Variants in OSBPL3 observed in about 807,000 individuals in gnomAD.
OSBPL3 encodes oxysterol-binding protein-related protein 3.
Under a neutral mutation model 120.1 loss-of-function variants are expected in OSBPL3, and 65 were observed. The observed-to-expected ratio is 0.54, with a 90% CI of 0.44 to 0.67. OSBPL3 has a LOEUF of 0.67. Among genes scored for constraint, OSBPL3 ranks in the 30% least tolerant of loss-of-function variants. The pLI, the probability that OSBPL3 is intolerant of heterozygous loss-of-function variation, is 0.00. For missense variants in OSBPL3, 1,004 were observed against 1,082.1 expected (o/e 0.93, Z 1.01); for synonymous variants, 416 against 402.6 (o/e 1.03, Z -0.40).
At chr7:24,943,887 T>G (rs1364371101) in intron 1 of OSBPL3, among the ~76,000 whole-genome samples, 1 of 152,188 alleles carries the variant, frequency 6.6e-6, no homozygotes, top group Non-Finnish European at 1.5e-5. Flanking sequence ...CTCCACCAGA[T>G]AAGTCAATTT....
chr7:24,924,851 C>A (rs1275158355), intron 1 of OSBPL3, among the ~76,000 whole-genome samples: 1 of 152,188 alleles, frequency 6.6e-6, no homozygotes, highest in Non-Finnish European at 1.5e-5. Flanking sequence ...TTCTGCCTAG[C>A]AGTCACATTT....
At chr7:24,826,696 G>T (rs950446188) in intron 16 of OSBPL3, among the ~76,000 whole-genome samples, 2 of 152,116 alleles carry the variant, frequency 1.3e-5, no homozygotes, top group African/African-American at 2.4e-5. Flanking sequence ...GATCAAGTAA[G>T]ATCATGAATG....
In OSBPL3 at chr7:24,867,499, G is replaced by A. The variant is rs917567718; in HGVS notation, c.382-1262C>T. 6.6e-6 allele frequency among the ~76,000 whole-genome samples: 1 copy of A among 152,142 alleles called. No homozygotes were observed. The highest frequency in any genetic ancestry group is 1.5e-5 in the Non-Finnish European group (1 of 68,036). ...ATCATGGGGGCAAGTCATTCCCATG[G>A]TGTTCTCGTGGTGGTGCGTGGGTCT... On this transcript the variant is annotated intron_variant, in intron 5 of 22. Transcript: ENST00000313367. The surrounding 1 kb of genome is among the most constrained non-coding windows in gnomAD (Gnocchi z 4.5).
Position 24,898,122 on chromosome 7 carries a change from T to C in OSBPL3, c.-149-5501A>G, listed in dbSNP as rs1303682335. 6.6e-6 allele frequency among the ~76,000 whole-genome samples: 1 copy of C among 152,238 alleles called. No individual in the cohort carries two copies. On this transcript the variant is annotated intron_variant, in intron 1 of 22. Transcript: ENST00000313367. This position sits in a 1 kb window ranked among gnomAD's most constrained non-coding sequence, Gnocchi z 4.3. ...GCATCTTTTTACAAATGGTACCCTC[T>C]GAAACACCCTGATTTCAAAAATGTT... is the stretch of plus-strand genomic sequence containing the variant.
intron 1 of OSBPL3, among the ~76,000 whole-genome samples, chr7:24,935,795 T>C (rs916283868): frequency 2.0e-5 from 3 of 152,130 alleles, no homozygotes; most frequent in Admixed American, 1.3e-4. Context: ...TTCTGGCATC[T>C]ATTTTGCAAT....
chr7:24,906,446 G>A (rs144668776), intron 1 of OSBPL3: 330 of 160,574 alleles, frequency 2.1e-3, no homozygotes, highest in African/African-American at 0.016. Flanking sequence ...CCATTGTTTC[G>A]TCCATCAGGC....
At position 24,938,098 on chromosome 7, in the gene OSBPL3, A is replaced by C. The variant is rs1400215005; in HGVS notation, c.-150+41788T>G. Among the ~76,000 whole-genome samples the C allele has an allele frequency of 6.6e-6, 1 of 152,224 alleles. No homozygotes were observed. ...AAGGGCTTATTTGCTATGGGCTGAA[A>C]GTTTCTGTCCCGCCAAAACTGGTAT... On this transcript the variant is annotated intron_variant, in intron 1 of 22. Transcript: ENST00000313367. The surrounding 1 kb of genome is among the most constrained non-coding windows in gnomAD (Gnocchi z 5.8).
At chr7:24,845,771 T>C (rs934758152) in intron 12 of OSBPL3, among the ~76,000 whole-genome samples, 2 of 152,220 alleles carry the variant, frequency 1.3e-5, no homozygotes, top group Non-Finnish European at 2.9e-5. Context: ...TACATTAATA[T>C]TTTTCAGTTT....
chr7:24,872,276 T>C lies in OSBPL3; in HGVS notation c.97-207A>G, dbSNP rs917455615. 6.6e-6 allele frequency among the ~76,000 whole-genome samples: 1 copy of C among 152,186 alleles called. No homozygotes were observed. The highest frequency in any genetic ancestry group is 1.5e-5 in the Non-Finnish European group (1 of 68,018). ...TTTAGTGGCATCAAATTTTGGTTTT[T>C]TTAAAGCTCTTTTTTTTTTAGAAGG... is the stretch of plus-strand genomic sequence containing the variant. On this transcript the variant is annotated intron_variant, in intron 2 of 22. Transcript: ENST00000313367. The surrounding 1 kb of genome is among the most constrained non-coding windows in gnomAD (Gnocchi z 4.1).
rs3038426 is a variant in OSBPL3, at chr7:24,942,463, C to CCT, written c.-150+37422_-150+37423insAG. On this transcript the variant is annotated intron_variant, in intron 1 of 22. Transcript: ENST00000313367. ...GATCCTTCACGGGCCTCTTCTCTGTCATGGTAATCCATGCATTCCACGCTG... is the reference window on the plus strand; with the variant it reads ...GATCCTTCACGGGCCTCTTCTCTGTCCTATGGTAATCCATGCATTCCACGCTG... Among the ~76,000 whole-genome samples, 110 of 6,108 alleles carry CCT rather than the reference C, an allele frequency of 0.018. No individual in the cohort carries two copies. In the African/African-American group the frequency reaches 0.27, roughly 15 times the overall value. The allele number at this position is 6,108 out of a possible 152,430, so 4.0% of individuals were successfully genotyped here. A position where few individuals can be genotyped will look rare whatever the true frequency, so the allele number is the denominator to read the frequency against.
At chr7:24,816,832 A>T in intron 17 of OSBPL3, 144 bp from the exon 18 acceptor site, 1 of 639,000 alleles carries the variant, frequency 1.6e-6, no homozygotes. Context: ...CTTTTCATAA[A>T]ATATAAGTAC....
At chr7:24,951,053 T>G (rs554698060) in intron 1 of OSBPL3, among the ~76,000 whole-genome samples, 21 of 152,306 alleles carry the variant, frequency 1.4e-4, no homozygotes, top group Middle Eastern at 3.4e-3. Flanking sequence ...CATTTAATAT[T>G]CAAAACAACG....
At position 24,863,230 on chromosome 7, in the gene OSBPL3, A is replaced by C; in HGVS notation, c.840T>G (p.Ala280=). 6.2e-7 allele frequency: 1 copy of C among 1,614,122 alleles called. No individual in the cohort carries two copies. Among genetic ancestry groups the C allele is most frequent in the East Asian group, 2.2e-5 (1 of 44,876 alleles). The part of the protein sequence containing the change: ...KRSHRRWRSR[A]IGKDAKGTLQ... The stretch of plus-strand genomic sequence containing the variant: ...GTGTTCCTTTAGCATCTTTGCCAAT[A>C]GCTCTGGACCGCCACCTCCTGTGCG... The change falls in exon 9 of 23, where the codon GCT becomes GCG. Residue 280 remains alanine, a synonymous_variant. Transcript: ENST00000313367. The surrounding 1 kb of genome is among the most constrained non-coding windows in gnomAD (Gnocchi z 5.8).
Position 24,798,529 on chromosome 7 carries a change from G to A in OSBPL3, c.*1654C>T, listed in dbSNP as rs1014601085. Reference sequence around the variant, plus strand: ...ATGATATTCACATTGTGTTCATCTTGGCATCTCGATAAAATGAATCCAATA... The same window carrying A: ...ATGATATTCACATTGTGTTCATCTTAGCATCTCGATAAAATGAATCCAATA... On this transcript the variant is annotated 3_prime_UTR_variant, in exon 23 of 23. Coordinates refer to ENST00000313367, the MANE Select transcript of OSBPL3 (RefSeq NM_015550.4). The surrounding 1 kb of genome is among the most constrained non-coding windows in gnomAD (Gnocchi z 4.6). 6.6e-6 allele frequency: 1 copy of A among 152,122 alleles called. No individual in the cohort carries two copies. The highest frequency in any genetic ancestry group is 1.5e-5 in the Non-Finnish European group (1 of 68,016). The allele number at this position is 152,122 out of a possible 1,614,324, so 9.4% of individuals were successfully genotyped here. A position where few individuals can be genotyped will look rare whatever the true frequency, so the allele number is the denominator to read the frequency against.
intron 1 of OSBPL3, among the ~76,000 whole-genome samples, chr7:24,909,086 G>C (rs186351173): frequency 6.6e-6 from 1 of 152,270 alleles, no homozygotes; most frequent in East Asian, 1.9e-4. Context: ...TGATACATTT[G>C]AGGTTTCTTT....
rs1805788775 is a variant in OSBPL3, at chr7:24,894,183, T to A, written c.-149-1562A>T. On this transcript the variant is annotated intron_variant, in intron 1 of 22. Transcript: ENST00000313367. The surrounding 1 kb of genome is among the most constrained non-coding windows in gnomAD (Gnocchi z 4.1). Reference sequence around the variant, plus strand: ...AATAAAAAAGAGTACATTAAAGCAATAAGCTAGAATCAAAACAATGAAAAG... The same window carrying A: ...AATAAAAAAGAGTACATTAAAGCAAAAAGCTAGAATCAAAACAATGAAAAG... Among the ~76,000 whole-genome samples, 1 of 152,100 alleles carries A rather than the reference T, an allele frequency of 6.6e-6. No individual in the cohort carries two copies. The highest frequency in any genetic ancestry group is 1.5e-5 in the Non-Finnish European group (1 of 68,018).
intron 2 of OSBPL3, among the ~76,000 whole-genome samples, chr7:24,889,998 T>C (rs1315131223): frequency 6.6e-6 from 1 of 152,086 alleles, no homozygotes; most frequent in Non-Finnish European, 1.5e-5. Context: ...GGTAGGAAGT[T>C]GGCAACAGCA....
At chr7:24,960,780 C>T (rs1181179130) in intron 1 of OSBPL3, among the ~76,000 whole-genome samples, 1 of 152,144 alleles carries the variant, frequency 6.6e-6, no homozygotes, top group Non-Finnish European at 1.5e-5. Context: ...CATAGATAAT[C>T]CATCACAGTT....
Position 24,865,331 on chromosome 7 carries a change from A to T in OSBPL3, c.673+11T>A, listed in dbSNP as rs773903817. On this transcript the variant is annotated intron_variant, in intron 7 of 22. Transcript: ENST00000313367. ...GCCACAACAGAAAGCAGACGTTTCA[A>T]GTCACTCTACCTTTGGAGCATTTTT... 6 of 1,613,414 alleles carry T rather than the reference A, an allele frequency of 3.7e-6. No individual in the cohort carries two copies. Among genetic ancestry groups the T allele is most frequent in the Non-Finnish European group, 8.5e-7 (1 of 1,179,648 alleles).
Sources: allele counts gnomAD v4.1 joint callset (sites outside exome capture counted in the v4.1 genomes callset), GRCh38; gene constraint gnomAD v4.1.1; non-coding constraint Gnocchi (gnomAD v3.1); transcripts MANE v1.5; gene names NCBI Gene and HGNC (gene_info 2026-07-23, HGNC 2026-07-21).